KNG1: variants seen among roughly 807,000 people sequenced by gnomAD.
KNG1 encodes kininogen-1.
Under a neutral mutation model 47.8 loss-of-function variants are expected in KNG1, and 23 were observed. The ratio of observed to expected loss-of-function variants is 0.48; its 90% CI spans 0.35 to 0.68. The LOEUF is 0.68. Ranked by LOEUF, KNG1 falls within the 30% of genes least tolerant of loss-of-function variation. The pLI is 0.01. For synonymous variants in KNG1, 277 were observed against 277.0 expected (o/e 1.00, Z 0.00); for missense variants, 762 against 790.2 (o/e 0.96, Z 0.43).
At chr3:186,727,056 T>C (rs928990088) in intron 4 of KNG1, among the ~76,000 whole-genome samples, 181 bp from the exon 5 acceptor site, 1 of 150,070 alleles carries the variant, frequency 6.7e-6, no homozygotes, top group Admixed American at 6.7e-5. Context: ...GTGAGAGATA[T>C]GAGACTCTTA....
In KNG1 at chr3:186,727,277, T is replaced by C. The variant is rs556928738; in HGVS notation, c.605T>C (p.Val202Ala). ...GLNFRITYSI[V>A]QTNCSKENFL... ...AACTTTCGAATTACCTACTCAATTG[T>C]GCAAACGAATTGTTCCAAAGAGAAT... Residue 202 changes from valine (V) to alanine (A), a missense_variant, in exon 5 of 10, where the codon GTG becomes GCG. Transcript: ENST00000644859. The C allele has an allele frequency of 2.5e-6, 4 of 1,613,964 alleles. No individual in the cohort carries two copies. In the South Asian group the frequency reaches 3.3e-5, roughly 13 times the overall value.
intron 9 of KNG1, among the ~76,000 whole-genome samples, chr3:186,741,246 G>A (rs560560607): frequency 3.8e-4 from 57 of 151,898 alleles, no homozygotes; most frequent in Non-Finnish European, 7.4e-4. Flanking sequence ...TGCTCGCCTT[G>A]GTCTCCCAAA....
rs529782971 is a variant in KNG1, at chr3:186,739,188, T to C, written c.1020T>C (p.Cys340=). ...KESNEELTES[C]ETKKLGQSLD... Reference sequence around the variant, plus strand: ...GTAATGAAGAGTTGACCGAAAGCTGTGAGACCAAAAAACTTGGCGTGAGTA... The same window carrying C: ...GTAATGAAGAGTTGACCGAAAGCTGCGAGACCAAAAAACTTGGCGTGAGTA... The change falls in exon 8 of 10, where the codon TGT becomes TGC. Residue 340 remains cysteine, a synonymous_variant. Coordinates refer to ENST00000644859, the MANE Select transcript of KNG1 (RefSeq NM_001102416.3). 1.2e-6 allele frequency: 2 copies of C among 1,614,130 alleles called. No individual in the cohort carries two copies. Among genetic ancestry groups the C allele is most frequent in the Admixed American group, 3.3e-5 (2 of 60,024 alleles).
In KNG1 at chr3:186,722,478, T is replaced by A. The variant is rs536764731; in HGVS notation, c.348T>A (p.Ser116Arg). 2.5e-6 allele frequency: 4 copies of A among 1,614,120 alleles called. No individual in the cohort carries two copies. The East Asian group carries it at 6.7e-5, about 27-fold the overall frequency. ...CGGCAACCGTGGGGAAGAGGAGCAG[T>A]ACGAAATTCTCCGTGGCTACCCAGA... ...ECTATVGKRS[S>R]TKFSVATQTC... is the part of the protein sequence containing the mutation. Residue 116 changes from serine to arginine, a missense_variant, in exon 3 of 10, where the codon AGT becomes AGA. Coordinates refer to ENST00000644859, the MANE Select transcript of KNG1 (RefSeq NM_001102416.3).
At chr3:186,725,404 C>T (rs986278339) in intron 4 of KNG1, 144 bp downstream of exon 4, 27 of 765,656 alleles carry the variant, frequency 3.5e-5, no homozygotes, top group Non-Finnish European at 4.9e-5. Flanking sequence ...CAAAGTGAGT[C>T]GGATAGTGCA....
rs202082433 is a variant in KNG1, at chr3:186,740,942, G to GT, written c.1126-572dup. Among the ~76,000 whole-genome samples the GT allele has an allele frequency of 5.9e-3, 890 of 151,344 alleles. 6 individuals are homozygous for GT. Among genetic ancestry groups the GT allele is most frequent in the Middle Eastern group, 6.8e-3 (2 of 294 alleles). On this transcript the variant is annotated intron_variant, in intron 9 of 9. Transcript: ENST00000644859. ...CAAAAACACTCCAGCTTATTTTACA[G>GT]TTTTTTTTGTTGTTGTTTGGCTGGG...
chr3:186,727,269 C>T lies in KNG1; in HGVS notation c.597C>T (p.Tyr199=). 3 of 1,613,682 alleles carry T rather than the reference C, an allele frequency of 1.9e-6. No individual in the cohort carries two copies. Among genetic ancestry groups the T allele is most frequent in the South Asian group, 1.1e-5 (1 of 91,078 alleles). ...CTGGATTGAACTTTCGAATTACCTA[C>T]TCAATTGTGCAAACGAATTGTTCCA... ...VVAGLNFRIT[Y]SIVQTNCSKE... Residue 199 remains tyrosine, a synonymous_variant, in exon 5 of 10, where the codon TAC becomes TAT. Transcript: ENST00000644859.
Position 186,732,724 on chromosome 3 carries a change from T to C in KNG1, c.930+50T>C, listed in dbSNP as rs1720570056. The C allele has an allele frequency of 2.7e-6, 4 of 1,480,624 alleles. No individual in the cohort carries two copies. The South Asian group carries it at 4.5e-5, about 17-fold the overall frequency. The allele number at this position is 1,480,624 out of a possible 1,614,324, so 91.7% of individuals were successfully genotyped here. ...AGTAACACTATAGTCTATGTGCAAATTGCTGACTAATTTTGCCACTGATCT... is the reference window on the plus strand; with the variant it reads ...AGTAACACTATAGTCTATGTGCAAACTGCTGACTAATTTTGCCACTGATCT... On this transcript the variant is annotated intron_variant, in intron 7 of 9. Coordinates refer to ENST00000644859, the MANE Select transcript of KNG1 (RefSeq NM_001102416.3).
chr3:186,730,668 AAAAAAAAAAAAAAAAATATATATAT>A (rs1477024562), intron 5 of KNG1, among the ~76,000 whole-genome samples: 46 of 74,274 alleles, frequency 6.2e-4, no homozygotes, highest in East Asian at 3.8e-3. Flanking sequence ...AAAAAAAAAA[AAAAAAAAAAAAAAAAATATATATAT>A]ATATATATAT....
chr3:186,721,534 T>A (rs1019580076), intron 2 of KNG1: 3 of 152,360 alleles, frequency 2.0e-5, no homozygotes, highest in African/African-American at 7.2e-5. Flanking sequence ...TTGTGTGTGT[T>A]TGCACACATA....
At position 186,742,643 on chromosome 3, in the gene KNG1, C is replaced by T; in HGVS notation, c.*312C>T. On this transcript the variant is annotated 3_prime_UTR_variant, in exon 10 of 10. Transcript: ENST00000644859. Reference sequence around the variant, plus strand: ...TCTCTGATAACAAATATGTACCTTACAACATATGTCATGAATTTGCATACA... The same window carrying T: ...TCTCTGATAACAAATATGTACCTTATAACATATGTCATGAATTTGCATACA... 1 of 1,132,050 alleles carries T rather than the reference C, an allele frequency of 8.8e-7. No individual in the cohort carries two copies. The highest frequency in any genetic ancestry group is 2.8e-5 in the South Asian group (1 of 35,138). 70.1% of individuals were successfully genotyped at this position (1,132,050 alleles called of 1,614,324 possible). A position where few individuals can be genotyped will look rare whatever the true frequency, so the allele number is the denominator to read the frequency against.
chr3:186,730,773 C>T (rs1015800318), intron 5 of KNG1, among the ~76,000 whole-genome samples: 7 of 139,686 alleles, frequency 5.0e-5, no homozygotes, highest in Admixed American at 1.5e-4. Flanking sequence ...TATATACACA[C>T]ACACAAATAC....
In KNG1 at chr3:186,732,491, G is replaced by A; in HGVS notation, c.758-11G>A. 6.2e-7 allele frequency: 1 copy of A among 1,613,768 alleles called. No individual in the cohort carries two copies. The highest frequency in any genetic ancestry group is 8.5e-7 in the Non-Finnish European group (1 of 1,179,702). The stretch of plus-strand genomic sequence containing the variant: ...CAGTGTACATGTTGACTTAAAACCT[G>A]ATCCTTTCAGGGAAGGATTTTGTAC... On this transcript the variant is annotated splice_polypyrimidine_tract_variant and intron_variant, in intron 6 of 9. Transcript: ENST00000644859.
rs5030090 is a variant in KNG1 at position 186,742,605 on chromosome 3, G to A, written c.*274G>A. ...GACAAACTAATGTGCCGTATGGCCT[G>A]CTGCAATTGGCTTCTCTGATAACAA... On this transcript the variant is annotated 3_prime_UTR_variant, in exon 10 of 10. Coordinates refer to ENST00000644859, the MANE Select transcript of KNG1 (RefSeq NM_001102416.3). 4.4e-3 allele frequency: 5,488 copies of A among 1,261,484 alleles called. 165 individuals carry two copies. In the African/African-American group the frequency reaches 0.073, roughly 17 times the overall value. The allele number at this position is 1,261,484 out of a possible 1,614,324, so 78.1% of individuals were successfully genotyped here. A position where few individuals can be genotyped will look rare whatever the true frequency, so the allele number is the denominator to read the frequency against.
In KNG1 at chr3:186,743,771, A is replaced by T. The variant is rs1720874584; in HGVS notation, c.*1440A>T. On this transcript the variant is annotated 3_prime_UTR_variant, in exon 10 of 10. Transcript: ENST00000644859. ...GGCAGGGGCAGAGCCAGCATCTGAG[A>T]GGGAGGTCTCTTGACCAATGGGCAG... The T allele has an allele frequency of 6.2e-7, 1 of 1,613,870 alleles. No individual in the cohort carries two copies. The highest frequency in any genetic ancestry group is 8.5e-7 in the Non-Finnish European group (1 of 1,179,858).
chr3:186,742,589 A>G lies in KNG1; in HGVS notation c.*258A>G. 2 of 1,317,930 alleles carry G rather than the reference A, an allele frequency of 1.5e-6. No individual in the cohort carries two copies. The highest frequency in any genetic ancestry group is 3.3e-5 in the East Asian group (1 of 30,136). The allele number at this position is 1,317,930 out of a possible 1,614,324, so 81.6% of individuals were successfully genotyped here. A position where few individuals can be genotyped will look rare whatever the true frequency, so the allele number is the denominator to read the frequency against. On this transcript the variant is annotated 3_prime_UTR_variant, in exon 10 of 10. Coordinates refer to ENST00000644859, the MANE Select transcript of KNG1 (RefSeq NM_001102416.3). Reference sequence around the variant, plus strand: ...ACTAGCACAGTAAACAGACAAACTAATGTGCCGTATGGCCTGCTGCAATTG... The same window carrying G: ...ACTAGCACAGTAAACAGACAAACTAGTGTGCCGTATGGCCTGCTGCAATTG...
intron 1 of KNG1, among the ~76,000 whole-genome samples, chr3:186,719,590 G>A (rs1273110812): frequency 1.3e-5 from 2 of 152,046 alleles, no homozygotes; most frequent in Admixed American, 6.5e-5. Context: ...GTAGCCAGGC[G>A]TGGTGGAGGG....
At position 186,732,520 on chromosome 3, in the gene KNG1, C is replaced by T. The variant is rs1314538848; in HGVS notation, c.776C>T (p.Pro259Leu). The T allele has an allele frequency of 6.2e-7, 1 of 1,614,110 alleles. No homozygotes were observed. The highest frequency in any genetic ancestry group is 1.7e-5 in the Admixed American group (1 of 59,996). ...DIYPGKDFVQ[P>L]PTKICVGCPR... Reference sequence around the variant, plus strand: ...CTTTCAGGGAAGGATTTTGTACAACCACCTACCAAGATTTGCGTGGGCTGC... The same window carrying T: ...CTTTCAGGGAAGGATTTTGTACAACTACCTACCAAGATTTGCGTGGGCTGC... The change falls in exon 7 of 10, where the codon CCA becomes CTA. Residue 259 changes from proline to leucine, a missense_variant. Coordinates refer to ENST00000644859, the MANE Select transcript of KNG1 (RefSeq NM_001102416.3).
chr3:186,721,974 G>T (rs1261698468), intron 2 of KNG1: 2 of 171,948 alleles, frequency 1.2e-5, no homozygotes, highest in Non-Finnish European at 2.5e-5. Flanking sequence ...AATTAGCTGG[G>T]TGTGGTGGCA....
Sources: allele counts gnomAD v4.1 joint callset (sites outside exome capture counted in the v4.1 genomes callset), GRCh38; gene constraint gnomAD v4.1.1; transcripts MANE v1.5; gene names NCBI Gene and HGNC (gene_info 2026-07-23, HGNC 2026-07-21).